CDKL3: variants seen among roughly 807,000 people sequenced by gnomAD.
CDKL3 encodes the protein cyclin-dependent kinase-like 3.
A neutral mutation model predicts 69.3 loss-of-function variants in CDKL3; 65 were observed. That is an observed-to-expected ratio of 0.94 (90% CI 0.77 to 1.15). The LOEUF (loss-of-function observed/expected upper bound fraction) is 1.15, where lower values mean the gene tolerates loss of function less well. CDKL3 is among the 50% of genes most tolerant of loss of function. CDKL3 has a pLI of 0.00. For synonymous variants in CDKL3, 202 were observed against 221.6 expected, an observed-to-expected ratio of 0.91 and a Z score of 0.79; for missense variants, 652 against 689.2, an observed-to-expected ratio of 0.95 and a Z score of 0.61.
At chr5:134,328,596 A>G (rs1774979483) in intron 4 of CDKL3, among the ~76,000 whole-genome samples, 1 of 152,158 alleles carries the variant, frequency 6.6e-6, no homozygotes. Context: ...TGGGGAGAAT[A>G]GAAAAATATT....
intron 4 of CDKL3, among the ~76,000 whole-genome samples, chr5:134,330,069 T>C (rs185102692): frequency 3.5e-4 from 53 of 151,958 alleles, no homozygotes; most frequent in African/African-American, 1.2e-3. Context: ...AAATATAAAC[T>C]TTATTCTCAG....
intron 4 of CDKL3, among the ~76,000 whole-genome samples, chr5:134,323,011 A>G (rs890648712): frequency 1.3e-5 from 2 of 152,066 alleles, no homozygotes; most frequent in African/African-American, 4.8e-5. Flanking sequence ...AGGTAGGTCT[A>G]TCTATATGTG....
rs571533384 is a variant in CDKL3 at position 134,308,725 on chromosome 5, A to G, written c.884T>C (p.Phe295Ser). ...YFTRDGFIEK[F>S]MPELKAKLLQ... ...TAATTTAGCTTTCAGTTCTGGCATG[A>G]ATCTGACAAAACAAGCAATATCAAC... Residue 295 changes from phenylalanine to serine, a missense_variant and splice_region_variant, in exon 8 of 13, where the codon TTC (phenylalanine) becomes TCC (serine). Physicochemically the swap from Phe to Ser is radical, Grantham distance 155. Coordinates refer to ENST00000265334, the MANE Select transcript of CDKL3 (RefSeq NM_001113575.2). The G allele has an allele frequency of 4.4e-6, 7 of 1,582,796 alleles. No individual in the cohort carries two copies. Among genetic ancestry groups the G allele is most frequent in the Non-Finnish European group, 6.0e-6 (7 of 1,171,812 alleles).
In CDKL3 at chr5:134,359,999, T is replaced by C; in HGVS notation, c.258A>G (p.Val86=). The change falls in exon 3 of 13, where the codon GTA becomes GTG. Residue 86 remains valine, a synonymous_variant. Transcript: ENST00000265334. ...HLVFEFIDHT[V]LDELQHYCHG... ...GACAATAATGTTGTAACTCATCTAA[T>C]ACTGTGTGGTCAATAAATTCAAATA... The C allele has an allele frequency of 6.4e-7, 1 of 1,565,000 alleles. No homozygotes were observed. The highest frequency in any genetic ancestry group is 8.7e-7 in the Non-Finnish European group (1 of 1,152,332).
chr5:134,323,649 T>G (rs1043330946), intron 4 of CDKL3, among the ~76,000 whole-genome samples: 1 of 152,160 alleles, frequency 6.6e-6, no homozygotes, highest in African/African-American at 2.4e-5. Context: ...CAACAAATAG[T>G]GCTGGAACAT....
At chr5:134,321,945 A>G in intron 4 of CDKL3, 42 bp from the exon 5 acceptor site, 1 of 975,356 alleles carries the variant, frequency 1.0e-6, no homozygotes, top group Non-Finnish European at 1.6e-6. Flanking sequence ...TTTCATGTAG[A>G]AATTTATAAA....
chr5:134,308,818 C>T lies in CDKL3; in HGVS notation c.882-91G>A, dbSNP rs943567403. The T allele has an allele frequency of 8.3e-6, 9 of 1,081,630 alleles. No homozygotes were observed. The East Asian group carries it at 1.5e-4, about 19-fold the overall frequency. 67.0% of individuals were successfully genotyped at this position (1,081,630 alleles called of 1,614,324 possible). A position where few individuals can be genotyped will look rare whatever the true frequency, so the allele number is the denominator to read the frequency against. ...ATAAACCATTTCATCAATTAATGTA[C>T]ATTTCAGCTACAGCATAAATAATGC... On this transcript the variant is annotated intron_variant, in intron 7 of 12. Coordinates refer to ENST00000265334, the MANE Select transcript of CDKL3 (RefSeq NM_001113575.2).
At chr5:134,360,214 T>TC (rs1755679590) in intron 2 of CDKL3, 123 bp from the exon 3 acceptor site, 1 of 753,614 alleles carries the variant, frequency 1.3e-6, no homozygotes, top group Non-Finnish European at 2.1e-6. Context: ...ATTTCTTTTT[T>TC]CTTTTTTTTG....
intron 5 of CDKL3, among the ~76,000 whole-genome samples, chr5:134,320,358 G>A (rs1772383422): frequency 6.6e-6 from 1 of 152,144 alleles, no homozygotes; most frequent in African/African-American, 2.4e-5. Flanking sequence ...GCTCACGCCT[G>A]TAATCCCAGC....
At chr5:134,311,723 G>C (rs186708538) in intron 7 of CDKL3, among the ~76,000 whole-genome samples, 45 of 152,322 alleles carry the variant, frequency 3.0e-4, no homozygotes, top group African/African-American at 1.0e-3. Context: ...AGTATGTAAA[G>C]AGCAGAGCAC....
intron 3 of CDKL3, among the ~76,000 whole-genome samples, chr5:134,351,633 AT>A (rs1008887386): frequency 1.3e-5 from 2 of 151,820 alleles, no homozygotes; most frequent in African/African-American, 4.8e-5. Flanking sequence ...TAATTAAAAA[AT>A]TTTTTTTGTA....
At chr5:134,363,572 T>C (rs1465115346) in intron 2 of CDKL3, among the ~76,000 whole-genome samples, 1 of 149,892 alleles carries the variant, frequency 6.7e-6, no homozygotes, top group Non-Finnish European at 1.5e-5. Context: ...GCAATTCTCC[T>C]ACCTCAGCCT....
intron 3 of CDKL3, among the ~76,000 whole-genome samples, chr5:134,359,056 C>T (rs545910858): frequency 8.5e-5 from 13 of 152,176 alleles, no homozygotes; most frequent in South Asian, 2.1e-4. Context: ...GAGGCTGAGG[C>T]GGGCAAATCA....
At chr5:134,296,034 C>T (rs1272975262), downstream of CDKL3, among the ~76,000 whole-genome samples, 4 of 152,012 alleles carry the variant, frequency 2.6e-5, no homozygotes, top group Admixed American at 6.6e-5. Flanking sequence ...GTAGCTGGGA[C>T]GACAGGTGCC....
intron 4 of CDKL3, among the ~76,000 whole-genome samples, chr5:134,327,888 C>A (rs1481610011): frequency 1.3e-5 from 2 of 152,246 alleles, no homozygotes; most frequent in East Asian, 3.9e-4. Context: ...TGACTGTGAG[C>A]CTACCCAAAG....
At chr5:134,352,305 T>C (rs889321805) in intron 3 of CDKL3, among the ~76,000 whole-genome samples, 1 of 148,842 alleles carries the variant, frequency 6.7e-6, no homozygotes, top group African/African-American at 2.6e-5. Flanking sequence ...AGGTTGATTT[T>C]TTTTTTTTTT....
chr5:134,365,752 G>A (rs954429872), intron 2 of CDKL3, among the ~76,000 whole-genome samples: 3 of 152,092 alleles, frequency 2.0e-5, no homozygotes, highest in African/African-American at 7.2e-5. Flanking sequence ...AAACTCTACA[G>A]GCACATGTCT....
At chr5:134,336,835 T>G (rs939876057) in intron 4 of CDKL3, among the ~76,000 whole-genome samples, 2 of 152,224 alleles carry the variant, frequency 1.3e-5, no homozygotes, top group Non-Finnish European at 1.5e-5. Context: ...TCAGATGTCA[T>G]GCTGGCAGAA....
intron 11 of CDKL3, among the ~76,000 whole-genome samples, chr5:134,303,937 AT>A (rs201638912): frequency 2.5e-4 from 37 of 147,304 alleles, no homozygotes; most frequent in East Asian, 7.9e-4. Flanking sequence ...TTAAAAAAAA[AT>A]TTTTTTTTTT....
Sources: allele counts gnomAD v4.1 joint callset (sites outside exome capture counted in the v4.1 genomes callset), GRCh38; gene constraint gnomAD v4.1.1; transcripts MANE v1.5; gene names NCBI Gene and HGNC (gene_info 2026-07-23, HGNC 2026-07-21).